Variants in GRIA1 observed in about 807,000 individuals in gnomAD.
GRIA1 encodes the protein glutamate receptor 1.
A neutral mutation model predicts 99.2 loss-of-function variants in GRIA1; 31 were observed. That is an observed-to-expected ratio of 0.31 (90% CI 0.23 to 0.42). The LOEUF (loss-of-function observed/expected upper bound fraction) is 0.42. GRIA1 is among the 10% of genes least tolerant of loss of function. GRIA1 has a pLI of 1.00. For missense variants in GRIA1, 782 were observed against 1,157.5 expected (o/e 0.68, Z 4.71); for synonymous variants, 438 against 432.4 (o/e 1.01, Z -0.16).
intron 5 of GRIA1, among the ~76,000 whole-genome samples, chr5:153,670,088 G>T (rs577119874): frequency 6.6e-6 from 1 of 152,132 alleles, no homozygotes; most frequent in Admixed American, 6.5e-5. Flanking sequence ...ATTCTGATAC[G>T]TCCCTCAGAA....
intron 13 of GRIA1, among the ~76,000 whole-genome samples, chr5:153,779,219 G>T (rs550978230): frequency 3.3e-5 from 5 of 152,014 alleles, no homozygotes; most frequent in Non-Finnish European, 7.4e-5. Flanking sequence ...CCCTTTCATA[G>T]TTTAAAAAAC....
intron 2 of GRIA1, among the ~76,000 whole-genome samples, chr5:153,614,095 C>T (rs762413817): frequency 1.3e-5 from 2 of 152,206 alleles, no homozygotes; most frequent in Non-Finnish European, 2.9e-5. Flanking sequence ...GCTCCACCTC[C>T]TATTTATTCT....
intron 2 of GRIA1, among the ~76,000 whole-genome samples, chr5:153,579,211 C>T (rs968583514): frequency 2.0e-5 from 3 of 152,150 alleles, no homozygotes; most frequent in Admixed American, 2.0e-4. Flanking sequence ...TTGTGTGGAA[C>T]AGGTAAGATA....
intron 2 of GRIA1, among the ~76,000 whole-genome samples, chr5:153,522,469 A>G (rs1422638485): frequency 6.6e-6 from 1 of 152,198 alleles, no homozygotes; most frequent in Non-Finnish European, 1.5e-5. Context: ...GTATCAGTCA[A>G]GTTAGGCCAG....
chr5:153,622,772 T>A (rs1215151314), intron 2 of GRIA1, among the ~76,000 whole-genome samples: 1 of 152,162 alleles, frequency 6.6e-6, no homozygotes, highest in Non-Finnish European at 1.5e-5. Context: ...AGCTCTTTGC[T>A]GGGCCCTGAA....
intron 11 of GRIA1, among the ~76,000 whole-genome samples, chr5:153,762,751 G>C (rs1763268723): frequency 6.6e-6 from 1 of 152,038 alleles, no homozygotes; most frequent in African/African-American, 2.4e-5. Flanking sequence ...CTCTGTAAAT[G>C]GTTCACTACT....
chr5:153,681,778 G>T (rs1229189871), intron 7 of GRIA1, among the ~76,000 whole-genome samples: 7 of 152,170 alleles, frequency 4.6e-5, no homozygotes, highest in Non-Finnish European at 8.8e-5. Flanking sequence ...GTTCATACCT[G>T]TAATCCCAGC....
chr5:153,528,550 C>G (rs1757815900), intron 2 of GRIA1, among the ~76,000 whole-genome samples: 2 of 152,180 alleles, frequency 1.3e-5, no homozygotes, highest in Admixed American at 6.5e-5. Context: ...GGTGTGAGGA[C>G]AAGAATTTGC....
At chr5:153,794,344 G>T (rs1440427851) in intron 13 of GRIA1, among the ~76,000 whole-genome samples, 1 of 152,204 alleles carries the variant, frequency 6.6e-6, no homozygotes, top group East Asian at 1.9e-4. Flanking sequence ...AAAGCAGACA[G>T]GAGGGGAAAA....
At chr5:153,806,533 G>C (rs1347081921) in intron 15 of GRIA1, among the ~76,000 whole-genome samples, 1 of 152,118 alleles carries the variant, frequency 6.6e-6, no homozygotes, top group African/African-American at 2.4e-5. Context: ...CAAAGTGTTG[G>C]GACCACAGGC....
intron 8 of GRIA1, among the ~76,000 whole-genome samples, chr5:153,692,798 A>T (rs1757853084): frequency 6.6e-6 from 1 of 152,188 alleles, no homozygotes; most frequent in Non-Finnish European, 1.5e-5. Flanking sequence ...TACAAATAAA[A>T]GGTTGTTTAT....
At chr5:153,698,596 TC>T (rs1758289796) in intron 9 of GRIA1, among the ~76,000 whole-genome samples, 1 of 74,764 alleles carries the variant, frequency 1.3e-5, no homozygotes, top group Admixed American at 1.4e-4. Flanking sequence ...CAGAGGTATT[TC>T]CAAAAAAAAT....
At chr5:153,565,370 T>C (rs1261601713) in intron 2 of GRIA1, among the ~76,000 whole-genome samples, 1 of 152,204 alleles carries the variant, frequency 6.6e-6, no homozygotes, top group Admixed American at 6.5e-5. Flanking sequence ...AATCTGTGTT[T>C]CTAAGCAATT....
intron 2 of GRIA1, among the ~76,000 whole-genome samples, chr5:153,538,683 C>T (rs1287565278): frequency 6.6e-6 from 1 of 152,172 alleles, no homozygotes; most frequent in African/African-American, 2.4e-5. Context: ...TCCCACTGCA[C>T]AGCCACCCAC....
chr5:153,657,042 C>A (rs960836311), intron 5 of GRIA1, among the ~76,000 whole-genome samples: 2 of 152,138 alleles, frequency 1.3e-5, no homozygotes, highest in Non-Finnish European at 2.9e-5. Flanking sequence ...GTACTTGATT[C>A]CTTTTTATTG....
intron 5 of GRIA1, among the ~76,000 whole-genome samples, chr5:153,657,941 C>A (rs76859227): frequency 6.6e-6 from 1 of 152,096 alleles, no homozygotes. Context: ...TTTTTGACTT[C>A]GGAGTGAGGA....
At chr5:153,739,171 C>T (rs1274006430) in intron 11 of GRIA1, among the ~76,000 whole-genome samples, 2 of 152,144 alleles carry the variant, frequency 1.3e-5, no homozygotes, top group African/African-American at 2.4e-5. Flanking sequence ...CACCCAGGGC[C>T]CTGCTTGGCT....
intron 11 of GRIA1, among the ~76,000 whole-genome samples, chr5:153,719,036 C>T (rs1203779564): frequency 6.6e-6 from 1 of 152,192 alleles, no homozygotes; most frequent in Non-Finnish European, 1.5e-5. Context: ...GTCCACAAGT[C>T]CGTTCCTGCT....
chr5:153,516,072 C>T (rs1756596911), intron 2 of GRIA1, among the ~76,000 whole-genome samples: 1 of 151,938 alleles, frequency 6.6e-6, no homozygotes, highest in Admixed American at 6.6e-5. Context: ...TACAAAAAAT[C>T]AGCCTGACGT....
Sources: gnomAD v4.1 joint callset for allele counts (sites outside exome capture counted in the v4.1 genomes callset) on GRCh38, gnomAD v4.1.1 for gene constraint, MANE v1.5 for transcripts, NCBI Gene and HGNC (gene_info 2026-07-23, HGNC 2026-07-21) for gene names.